Variants in ANKS1B observed in about 807,000 individuals in gnomAD.
ANKS1B encodes ankyrin repeat and sterile alpha motif domain-containing protein 1B.
A neutral mutation model predicts 148.3 loss-of-function variants in ANKS1B; 36 were observed. The observed-to-expected ratio is 0.24, with a 90% confidence interval of 0.19 to 0.32. The LOEUF is 0.32. Ranked by LOEUF, ANKS1B falls within the 10% of genes least tolerant of loss-of-function variation. The pLI is 1.00. For synonymous variants in ANKS1B, 542 were observed against 560.8 expected (o/e 0.97, Z 0.47); for missense variants, 1,157 against 1,542.6 (o/e 0.75, Z 4.19).
chr12:99,868,795 A>C (rs1009598665), intron 1 of ANKS1B, among the ~76,000 whole-genome samples: 5 of 152,084 alleles, frequency 3.3e-5, no homozygotes, highest in African/African-American at 1.2e-4. Flanking sequence ...TGGTGGCTCA[A>C]ACCTGTAATC....
At chr12:99,102,016 T>C (rs1334057541) in intron 15 of ANKS1B, among the ~76,000 whole-genome samples, 1 of 151,900 alleles carries the variant, frequency 6.6e-6, no homozygotes, top group African/African-American at 2.4e-5. Flanking sequence ...GGTAGCTGTA[T>C]GAAATGGATA....
chr12:98,751,610 T>G lies in ANKS1B; in HGVS notation c.3580-88A>C. On this transcript the variant is annotated intron_variant, in intron 25 of 26. Coordinates refer to ENST00000683438, the MANE Select transcript of ANKS1B (RefSeq NM_001352186.2). This position sits in a 1 kb window ranked among gnomAD's most constrained non-coding sequence, Gnocchi z 4.3. ...CTGAGGAACACTGAGGGAGGTGAAC[T>G]AGGGAGGAACTTGAACTACTTCACC... The G allele has an allele frequency of 2.3e-6, 3 of 1,291,416 alleles. No homozygotes were observed. Among genetic ancestry groups the G allele is most frequent in the Non-Finnish European group, 3.3e-6 (3 of 911,232 alleles). 80.0% of individuals were successfully genotyped at this position (1,291,416 alleles called of 1,614,324 possible). A position where few individuals can be genotyped will look rare whatever the true frequency, so the allele number is the denominator to read the frequency against.
chr12:99,807,273 G>T (rs1260779831), intron 3 of ANKS1B, among the ~76,000 whole-genome samples: 1 of 152,176 alleles, frequency 6.6e-6, no homozygotes, highest in African/African-American at 2.4e-5. Context: ...ATCATGGGTT[G>T]TGAGGATGGA....
intron 9 of ANKS1B, among the ~76,000 whole-genome samples, chr12:99,596,926 T>G (rs747820567): frequency 2.0e-5 from 3 of 151,912 alleles, no homozygotes; most frequent in Non-Finnish European, 4.4e-5. Context: ...AAAAATGAAT[T>G]CATTCCTTTT....
chr12:99,311,294 T>A (rs961392437), intron 12 of ANKS1B, among the ~76,000 whole-genome samples: 54 of 151,870 alleles, frequency 3.6e-4, no homozygotes, highest in African/African-American at 1.3e-3. Context: ...TTGAAAAAAA[T>A]ATACAGAAAA....
intron 10 of ANKS1B, among the ~76,000 whole-genome samples, chr12:99,480,766 G>A (rs1179095251): frequency 6.6e-6 from 1 of 151,676 alleles, no homozygotes; most frequent in Non-Finnish European, 1.5e-5. Context: ...AGAGCTTTTG[G>A]TTGTTTTTGG....
At chr12:99,152,090 TC>T (rs1344507188) in intron 15 of ANKS1B, among the ~76,000 whole-genome samples, 1 of 152,138 alleles carries the variant, frequency 6.6e-6, no homozygotes, top group Admixed American at 6.6e-5. Flanking sequence ...AGCAAGCCAA[TC>T]ATATTCATGT....
At chr12:99,714,575 A>G (rs545945667) in intron 8 of ANKS1B, among the ~76,000 whole-genome samples, 2 of 152,254 alleles carry the variant, frequency 1.3e-5, no homozygotes, top group South Asian at 4.1e-4. Flanking sequence ...ATTTGTGATC[A>G]GTGACCTTTG....
At chr12:99,523,080 T>C (rs546474701) in intron 9 of ANKS1B, among the ~76,000 whole-genome samples, 17 of 152,290 alleles carry the variant, frequency 1.1e-4, no homozygotes, top group Admixed American at 3.3e-4. Context: ...ACTACTTTGA[T>C]AGGGCATCTC....
chr12:99,278,563 C>A (rs1286335072), intron 12 of ANKS1B, among the ~76,000 whole-genome samples: 1 of 152,156 alleles, frequency 6.6e-6, no homozygotes, highest in Non-Finnish European at 1.5e-5. Context: ...TCCTCCCCCT[C>A]TTTGATTCTT....
rs115198912 is a variant in ANKS1B at position 99,941,866 on chromosome 12, T to C, written c.134+42238A>G. Among the ~76,000 whole-genome samples the C allele has an allele frequency of 8.7e-3, 1,327 of 152,202 alleles. 24 individuals carry two copies. The highest frequency in any genetic ancestry group is 0.03 in the African/African-American group (1,261 of 41,534). ...GAGAACAGAAACTAAGAGGATGGCA[T>C]CACCATGCAGAGAATGGAAGAACAA... On this transcript the variant is annotated intron_variant, in intron 1 of 26. Coordinates refer to ENST00000683438, the MANE Select transcript of ANKS1B (RefSeq NM_001352186.2).
intron 12 of ANKS1B, among the ~76,000 whole-genome samples, chr12:99,308,901 A>G (rs1329516954): frequency 6.7e-6 from 1 of 149,256 alleles, no homozygotes; most frequent in Admixed American, 6.7e-5. Flanking sequence ...TATAATATAT[A>G]TAGTATATAT....
intron 8 of ANKS1B, among the ~76,000 whole-genome samples, chr12:99,673,419 A>G (rs2098547597): frequency 6.6e-6 from 1 of 152,044 alleles, no homozygotes; most frequent in African/African-American, 2.4e-5. Flanking sequence ...CATCCAGAAA[A>G]CAAAGAAAAT....
intron 10 of ANKS1B, among the ~76,000 whole-genome samples, chr12:99,478,174 CT>C (rs1489269336): frequency 2.0e-5 from 3 of 152,102 alleles, no homozygotes; most frequent in Non-Finnish European, 4.4e-5. Context: ...AATATTGCAG[CT>C]TAAGCTTCAG....
At chr12:99,939,619 G>T (rs963791904) in intron 1 of ANKS1B, among the ~76,000 whole-genome samples, 1 of 152,128 alleles carries the variant, frequency 6.6e-6, no homozygotes, top group Non-Finnish European at 1.5e-5. Context: ...GAATGAAAGT[G>T]ATGTGTTAGC....
intron 1 of ANKS1B, 101 bp from the exon 2 acceptor site, chr12:99,825,490 A>G (rs1196929624): frequency 3.5e-6 from 3 of 850,632 alleles, no homozygotes; most frequent in Non-Finnish European, 5.5e-6. Context: ...CAGGTTGTAG[A>G]TAAAAATTTT....
At chr12:99,243,142 A>C (rs150851723) in intron 14 of ANKS1B, among the ~76,000 whole-genome samples, 175 of 152,374 alleles carry the variant, frequency 1.1e-3, no homozygotes, top group African/African-American at 4.1e-3. Context: ...CAAAGGGTTA[A>C]TATCCAAAAT....
Position 98,745,823 on chromosome 12 carries a change from A to G in ANKS1B, c.3774T>C (p.Thr1258=), listed in dbSNP as rs2097869277. 1 of 1,613,524 alleles carries G rather than the reference A, an allele frequency of 6.2e-7. No homozygotes were observed. Among genetic ancestry groups the G allele is most frequent in the Non-Finnish European group, 8.5e-7 (1 of 1,179,680 alleles). ...SVQIDPSEQK[T]LANLPWIVEP... ...CCACAATCCACGGTAGATTGGCCAG[A>G]GTCTTTTGCTCAGATGGGTCGATCT... The change falls in exon 27 of 27, where the codon ACT becomes ACC. Residue 1258 remains threonine (T), a synonymous_variant. Coordinates refer to ENST00000683438, the MANE Select transcript of ANKS1B (RefSeq NM_001352186.2).
At chr12:98,833,081 G>A (rs2099333258) in intron 17 of ANKS1B, among the ~76,000 whole-genome samples, 1 of 152,068 alleles carries the variant, frequency 6.6e-6, no homozygotes, top group African/African-American at 2.4e-5. Context: ...TGCTGCAAAG[G>A]GCACATGGTA....
Sources: allele counts gnomAD v4.1 joint callset (sites outside exome capture counted in the v4.1 genomes callset), GRCh38; gene constraint gnomAD v4.1.1; non-coding constraint Gnocchi (gnomAD v3.1); transcripts MANE v1.5; gene names NCBI Gene and HGNC (gene_info 2026-07-23, HGNC 2026-07-21).